ARVCF: variants seen among roughly 807,000 people sequenced by gnomAD.
ARVCF encodes the protein splicing regulator ARVCF.
A neutral mutation model predicts 90.9 loss-of-function variants in ARVCF; 66 were observed. The observed-to-expected ratio is 0.73, with a 90% confidence interval of 0.60 to 0.89. ARVCF has a LOEUF of 0.89. Ranked by LOEUF, ARVCF falls within the 40% of genes least tolerant of loss-of-function variation. The pLI is 0.00. For missense variants in ARVCF, 1,469 were observed against 1,382.3 expected (o/e 1.06, Z -1.00); for synonymous variants, 653 against 603.4 (o/e 1.08, Z -1.21).
intron 2 of ARVCF, among the ~76,000 whole-genome samples, chr22:19,992,869 G>C (rs1173880093): frequency 6.6e-6 from 1 of 152,214 alleles, no homozygotes; most frequent in Non-Finnish European, 1.5e-5. Context: ...CCCTGGCTCT[G>C]GGGACTAAAG....
At chr22:19,986,268 T>C (rs1219011024) in intron 3 of ARVCF, among the ~76,000 whole-genome samples, 2 of 152,220 alleles carry the variant, frequency 1.3e-5, no homozygotes, top group African/African-American at 2.4e-5. Flanking sequence ...ACCAGGGCCG[T>C]AGGACAGGCA....
chr22:20,002,582 A>G (rs934772894), intron 2 of ARVCF, among the ~76,000 whole-genome samples: 13 of 152,242 alleles, frequency 8.5e-5, no homozygotes, highest in African/African-American at 2.4e-5. Context: ...AGAGGCAGCA[A>G]ACTCATCTTA....
At chr22:19,995,457 C>G (rs866872218) in intron 2 of ARVCF, among the ~76,000 whole-genome samples, 2 of 151,982 alleles carry the variant, frequency 1.3e-5, no homozygotes, top group Admixed American at 6.5e-5. Flanking sequence ...GGGAAAGCCC[C>G]GGCCCGCAAA....
At chr22:20,015,901 T>C (rs1480790752) in intron 1 of ARVCF, among the ~76,000 whole-genome samples, 1 of 152,262 alleles carries the variant, frequency 6.6e-6, no homozygotes, top group East Asian at 1.9e-4. Context: ...TATTTAATTA[T>C]TTAAAAATTA....
intron 2 of ARVCF, among the ~76,000 whole-genome samples, chr22:20,010,049 G>A (rs1212054035): frequency 6.6e-6 from 1 of 152,164 alleles, no homozygotes. Flanking sequence ...TCCAGTCTCT[G>A]GGGGGCAAGC....
At position 19,974,100 on chromosome 22, in the gene ARVCF, C is replaced by T; in HGVS notation, c.2088+12G>A. 1.2e-6 allele frequency: 2 copies of T among 1,602,060 alleles called. No homozygotes were observed. Among genetic ancestry groups the T allele is most frequent in the Non-Finnish European group, 1.7e-6 (2 of 1,173,678 alleles). ...TCAGGACTTGCCCACCCTGCCCGAC[C>T]TGGTCCCTCACCATCCAGTTGCCGG... On this transcript the variant is annotated intron_variant, in intron 12 of 19. Coordinates refer to ENST00000263207, the MANE Select transcript of ARVCF (RefSeq NM_001670.3).
At chr22:19,973,385 G>C (rs1942957391) in intron 13 of ARVCF, 68 bp from the exon 14 acceptor site, 2 of 1,494,376 alleles carry the variant, frequency 1.3e-6, no homozygotes, top group Middle Eastern at 2.0e-4. Context: ...CAGGGATCCC[G>C]CGAGGGCGAG....
chr22:19,982,139 C>T, intron 3 of ARVCF, 48 bp from the exon 4 acceptor site: 1 of 1,596,434 alleles, frequency 6.3e-7, no homozygotes, highest in East Asian at 2.2e-5. Context: ...CTCAGTCACC[C>T]CTGGAGTGCA....
intron 5 of ARVCF, 63 bp from the exon 6 acceptor site, chr22:19,980,305 G>A (rs535320715): frequency 6.8e-7 from 1 of 1,478,110 alleles, no homozygotes. Flanking sequence ...CCTCTGAGCT[G>A]CCCCATCACA....
intron 3 of ARVCF, among the ~76,000 whole-genome samples, chr22:19,983,101 CTGGCCCCA>C (rs994932706): frequency 8.5e-5 from 13 of 152,388 alleles, no homozygotes; most frequent in African/African-American, 3.1e-4. Context: ...GCACAGGTGC[CTGGCCCCA>C]GGGCCACATG....
chr22:19,966,656 G>C (rs1040427972), downstream of ARVCF, among the ~76,000 whole-genome samples: 1 of 152,034 alleles, frequency 6.6e-6, no homozygotes, highest in Non-Finnish European at 1.5e-5. Context: ...GCCCAGACTG[G>C]TCTCAAACTC....
intron 5 of ARVCF, chr22:19,980,567 G>T: frequency 3.1e-6 from 1 of 319,758 alleles, no homozygotes; most frequent in East Asian, 5.2e-5. Flanking sequence ...ATCTGCTATG[G>T]CTGCTGGAGA....
rs140596937 is a variant in ARVCF, at chr22:19,971,730, C to T, written c.2781+156G>A. Among the ~76,000 whole-genome samples the T allele has an allele frequency of 1.8e-3, 275 of 152,300 alleles. 2 individuals are homozygous for T. Among genetic ancestry groups the T allele is most frequent in the Non-Finnish European group, 3.3e-3 (222 of 68,010 alleles). On this transcript the variant is annotated intron_variant, in intron 18 of 19. Coordinates refer to ENST00000263207, the MANE Select transcript of ARVCF (RefSeq NM_001670.3). ...CTGCAAACTTGTCAGTACCCACAGA[C>T]TGACTGGCGTGAAGGGGCTGCTTCC...
In ARVCF at chr22:19,970,597, GGAGGGTGT is replaced by G; in HGVS notation, c.*151_*158del. 8.0e-7 allele frequency: 1 copy of G among 1,251,516 alleles called. No individual in the cohort carries two copies. The highest frequency in any genetic ancestry group is 3.1e-4 in the Middle Eastern group (1 of 3,236). The allele number at this position is 1,251,516 out of a possible 1,614,324, so 77.5% of individuals were successfully genotyped here. On this transcript the variant is annotated 3_prime_UTR_variant, in exon 20 of 20. Transcript: ENST00000263207. ...ATGGGGGGAGTGGGGTGGGGGGGCA[GGAGGGTGT>G]CCCCAAAGTCAGGCTTGGCTGGGGC...
intron 1 of ARVCF, among the ~76,000 whole-genome samples, chr22:20,015,709 C>G (rs998116379): frequency 1.3e-5 from 2 of 152,100 alleles, no homozygotes; most frequent in African/African-American, 4.8e-5. Flanking sequence ...TGGGTACTCA[C>G]CTGAGGTTAT....
At chr22:19,968,853 C>G, downstream of ARVCF, 1 of 946,118 alleles carries the variant, frequency 1.1e-6, no homozygotes, top group East Asian at 2.6e-5. Context: ...AAGCACACCT[C>G]GGCCGAGGCC....
chr22:19,988,973 A>G (rs988782337), intron 3 of ARVCF, among the ~76,000 whole-genome samples: 3 of 152,076 alleles, frequency 2.0e-5, no homozygotes, highest in African/African-American at 7.2e-5. Flanking sequence ...ACATCTTCCC[A>G]CCAGGGCATC....
chr22:19,987,135 C>CGGT, intron 3 of ARVCF: 1 of 492,750 alleles, frequency 2.0e-6, no homozygotes, highest in Admixed American at 4.0e-5. Context: ...GCGGGGGAGG[C>CGGT]GGTGGCTGGA....
At chr22:20,013,315 C>T (rs956224969) in intron 1 of ARVCF, among the ~76,000 whole-genome samples, 1 of 152,250 alleles carries the variant, frequency 6.6e-6, no homozygotes, top group African/African-American at 2.4e-5. Flanking sequence ...AAGGACACTG[C>T]ACTTTTGGGG....
Sources: allele counts gnomAD v4.1 joint callset (sites outside exome capture counted in the v4.1 genomes callset), GRCh38; gene constraint gnomAD v4.1.1; transcripts MANE v1.5; gene names NCBI Gene and HGNC (gene_info 2026-07-23, HGNC 2026-07-21).